KIF6: variants seen among roughly 807,000 people sequenced by gnomAD.
KIF6 encodes kinesin family member 6, also known as kinesin-like protein KIF6.
Under a neutral mutation model 112.7 loss-of-function variants are expected in KIF6, and 106 were observed. That is an observed-to-expected ratio of 0.94 (90% CI 0.80 to 1.11). The LOEUF (loss-of-function observed/expected upper bound fraction) is 1.11, where lower values mean the gene tolerates loss of function less well. Ranked by LOEUF, KIF6 falls within the 50% of genes least tolerant of loss-of-function variation. The probability of loss-of-function intolerance (pLI) is 0.00; values close to 1 mark genes in which losing one functional copy is unlikely to be tolerated. For synonymous variants in KIF6, 339 were observed against 339.9 expected (o/e 1.00, Z 0.03); for missense variants, 929 against 964.0 (o/e 0.96, Z 0.48).
In KIF6 at chr6:39,343,192, C is replaced by T; in HGVS notation, c.2428+517G>A. The T allele has an allele frequency of 1.6e-6, 2 of 1,212,510 alleles. No homozygotes were observed. Among genetic ancestry groups the T allele is most frequent in the Non-Finnish European group, 2.1e-6 (2 of 954,108 alleles). The allele number at this position is 1,212,510 out of a possible 1,614,324, so 75.1% of individuals were successfully genotyped here. On this transcript the variant is annotated intron_variant, in intron 22 of 22. Coordinates refer to ENST00000287152, the MANE Select transcript of KIF6 (RefSeq NM_145027.6). This position sits in a 1 kb window ranked among gnomAD's most constrained non-coding sequence, Gnocchi z 4.1. ...TGCAGACCAAGAAGAGCCTTCTTCT[C>T]TTCCTGTTGTCTGACACGCCACTCT...
intron 13 of KIF6, among the ~76,000 whole-genome samples, chr6:39,481,032 AT>A (rs200870960): frequency 0.022 from 3,396 of 151,600 alleles, 57 homozygotes; most frequent in Non-Finnish European, 0.029. Flanking sequence ...TATCTTTTGT[AT>A]TTTTTTTCTT....
At chr6:39,483,352 T>A (rs1480981162) in intron 13 of KIF6, among the ~76,000 whole-genome samples, 1 of 152,212 alleles carries the variant, frequency 6.6e-6, no homozygotes, top group Non-Finnish European at 1.5e-5. Flanking sequence ...CAACTGTGAT[T>A]TTCCTGAAGT....
Position 39,720,736 on chromosome 6 carries a change from A to G in KIF6, c.142T>C (p.Phe48Leu). Residue 48 changes from phenylalanine to leucine, a missense_variant, in exon 2 of 23, where the codon TTT becomes CTT. Phe to Leu is a conservative substitution (Grantham distance 22). Around this residue, in one of 2 missense-constraint regions of KIF6, gnomAD observed 688 missense variants for 662.7 expected, o/e 1.04. Transcript: ENST00000287152. ...IILPRDLADG[F>L]VNNKRESYKF... is the part of the protein sequence containing the mutation. ...TAGCTTTCTCGCTTATTATTCACAA[A>G]CCCATCTGCCAAATCACGTGGTAAG... The G allele has an allele frequency of 6.2e-7, 1 of 1,607,026 alleles. No homozygotes were observed. The highest frequency in any genetic ancestry group is 8.5e-7 in the Non-Finnish European group (1 of 1,173,846).
At chr6:39,711,796 A>G (rs923130263) in intron 3 of KIF6, among the ~76,000 whole-genome samples, 6 of 152,204 alleles carry the variant, frequency 3.9e-5, no homozygotes, top group Admixed American at 1.3e-4. Context: ...ATTAATAATA[A>G]TAATTCAGAC....
chr6:39,579,449 A>G (rs1433531711), intron 9 of KIF6, among the ~76,000 whole-genome samples: 1 of 151,874 alleles, frequency 6.6e-6, no homozygotes, highest in Non-Finnish European at 1.5e-5. Context: ...TTGATTTGGT[A>G]GCTTCTTTCT....
At position 39,424,293 on chromosome 6, in the gene KIF6, T is replaced by C. The variant is rs1562202699; in HGVS notation, c.1755-4290A>G. 2.0e-5 allele frequency among the ~76,000 whole-genome samples: 3 copies of C among 152,112 alleles called. No individual in the cohort carries two copies. In the South Asian group the frequency reaches 6.2e-4, roughly 32 times the overall value. ...ATTCCAGGACTGTGCAGGTCTACAA[T>C]ACATGACACCCCCAGGTGCTCCCCA... is the stretch of plus-strand genomic sequence containing the variant. On this transcript the variant is annotated intron_variant, in intron 14 of 22. Transcript: ENST00000287152.
intron 8 of KIF6, among the ~76,000 whole-genome samples, chr6:39,585,695 G>T (rs1781589408): frequency 6.6e-6 from 1 of 152,102 alleles, no homozygotes; most frequent in Non-Finnish European, 1.5e-5. Flanking sequence ...TTCATAATAG[G>T]TCAAAAAGAG....
Position 39,333,507 on chromosome 6 carries a change from A to C in KIF6, c.*3025T>G, listed in dbSNP as rs1027947399. The C allele has an allele frequency of 5.9e-5, 9 of 152,222 alleles. No homozygotes were observed. Among genetic ancestry groups the C allele is most frequent in the African/African-American group, 2.2e-4 (9 of 41,458 alleles). 9.4% of individuals were successfully genotyped at this position (152,222 alleles called of 1,614,324 possible). On this transcript the variant is annotated 3_prime_UTR_variant, in exon 23 of 23. Transcript: ENST00000287152. ...GGCAGCAGCTACCCATGGCATGTTC[A>C]TCCCAAGAGAGATCACTGGAGCAAG...
At chr6:39,585,285 T>C (rs898286188) in intron 8 of KIF6, among the ~76,000 whole-genome samples, 1 of 152,188 alleles carries the variant, frequency 6.6e-6, no homozygotes, top group Non-Finnish European at 1.5e-5. Context: ...TAGATTCTCA[T>C]AAGGAGCGGG....
intron 15 of KIF6, among the ~76,000 whole-genome samples, chr6:39,418,553 G>A (rs1770099056): frequency 1.3e-5 from 2 of 152,170 alleles, no homozygotes; most frequent in Non-Finnish European, 2.9e-5. Context: ...GATATGACAT[G>A]CAGGCCTCTG....
chr6:39,603,926 CG>C (rs1374713433), intron 6 of KIF6, among the ~76,000 whole-genome samples: 1 of 151,956 alleles, frequency 6.6e-6, no homozygotes, highest in Non-Finnish European at 1.5e-5. Context: ...TAAAATATCT[CG>C]ACAGGAATTT....
At chr6:39,346,049 G>T (rs977266968) in intron 20 of KIF6, among the ~76,000 whole-genome samples, 1 of 28,992 alleles carries the variant, frequency 3.4e-5, no homozygotes, top group Non-Finnish European at 6.5e-5. Flanking sequence ...AAACTACAGT[G>T]CTCTCTCTCT....
intron 15 of KIF6, among the ~76,000 whole-genome samples, chr6:39,397,416 C>G (rs1229529609): frequency 6.6e-6 from 1 of 152,094 alleles, no homozygotes; most frequent in African/African-American, 2.4e-5. Flanking sequence ...TTTGTTTCCT[C>G]TGAGGCTAAA....
At chr6:39,422,278 C>G (rs866898471) in intron 14 of KIF6, among the ~76,000 whole-genome samples, 1 of 152,146 alleles carries the variant, frequency 6.6e-6, no homozygotes, top group Non-Finnish European at 1.5e-5. Flanking sequence ...AGTCCCCCAG[C>G]CTTGGCGGTG....
chr6:39,471,518 C>T (rs1774117674), intron 13 of KIF6, among the ~76,000 whole-genome samples: 1 of 152,176 alleles, frequency 6.6e-6, no homozygotes, highest in Non-Finnish European at 1.5e-5. Context: ...TTTATAGGTC[C>T]TCCATTCATG....
At chr6:39,470,233 G>C (rs1288129265) in intron 13 of KIF6, among the ~76,000 whole-genome samples, 2 of 151,884 alleles carry the variant, frequency 1.3e-5, no homozygotes, top group Non-Finnish European at 2.9e-5. Context: ...GGGAACTTTG[G>C]GATTTAAAGT....
chr6:39,592,846 G>A (rs547743829), intron 7 of KIF6, among the ~76,000 whole-genome samples: 2 of 152,298 alleles, frequency 1.3e-5, no homozygotes, highest in South Asian at 4.1e-4. Context: ...TGCACCCTTT[G>A]AGCAGGTGTG....
chr6:39,725,164 C>G, intron 1 of KIF6, 81 bp downstream of exon 1: 1 of 1,272,564 alleles, frequency 7.9e-7, no homozygotes, highest in Non-Finnish European at 1.1e-6. Context: ...CTCACCTCCG[C>G]CCAGCCCCTT....
intron 10 of KIF6, among the ~76,000 whole-genome samples, chr6:39,551,308 T>C (rs896971521): frequency 6.6e-6 from 1 of 152,070 alleles, no homozygotes; most frequent in Non-Finnish European, 1.5e-5. Context: ...CTCATGGAGA[T>C]AAAGAATAGA....
Sources: gnomAD v4.1 joint callset for allele counts (sites outside exome capture counted in the v4.1 genomes callset) on GRCh38, gnomAD v4.1.1 for gene constraint, gnomAD v4.1.1 regional missense constraint, Gnocchi (gnomAD v3.1) non-coding constraint, MANE v1.5 for transcripts, NCBI Gene and HGNC (gene_info 2026-07-23, HGNC 2026-07-21) for gene names.